Variants in BCAP29 observed in about 807,000 individuals in gnomAD.
BCAP29 encodes the protein B-cell receptor-associated protein 29.
Under a neutral mutation model 31.8 loss-of-function variants are expected in BCAP29, and 34 were observed. The observed-to-expected ratio is 1.07, with a 90% CI of 0.81 to 1.42. The LOEUF is 1.42. Among genes scored for constraint, BCAP29 ranks in the 40% most tolerant of loss-of-function variants. The pLI, the probability that BCAP29 is intolerant of heterozygous loss-of-function variation, is 0.00. For synonymous variants in BCAP29, 104 were observed against 91.3 expected (o/e 1.14, Z -0.79); for missense variants, 314 against 269.2 (o/e 1.17, Z -1.16).
At chr7:107,610,350 C>G (rs986321973) in intron 6 of BCAP29, among the ~76,000 whole-genome samples, 1 of 152,186 alleles carries the variant, frequency 6.6e-6, no homozygotes, top group Non-Finnish European at 1.5e-5. Flanking sequence ...GATGTATCAT[C>G]TAAAGCCTCC....
chr7:107,613,876 A>T, intron 7 of BCAP29: 1 of 624,798 alleles, frequency 1.6e-6, no homozygotes, highest in East Asian at 2.9e-5. Context: ...TTTACCTCCA[A>T]ATGTTGATTT....
intron 7 of BCAP29, among the ~76,000 whole-genome samples, chr7:107,614,544 A>C (rs1371468632): frequency 6.6e-6 from 1 of 152,202 alleles, no homozygotes; most frequent in Non-Finnish European, 1.5e-5. Flanking sequence ...TATTATCATC[A>C]TCATCTGTAT....
Position 107,611,125 on chromosome 7 carries a change from G to A in BCAP29, c.590-2207G>A, listed in dbSNP as rs185826993. Among the ~76,000 whole-genome samples the A allele has an allele frequency of 2.6e-5, 4 of 152,178 alleles. No homozygotes were observed. The East Asian group carries it at 5.8e-4, about 22-fold the overall frequency. ...CTCTCTGGGGCCTCTTTTTATTAGT[G>A]CACGAATCCCATTAATGAGGACCCC... is the stretch of plus-strand genomic sequence containing the variant. On this transcript the variant is annotated intron_variant, in intron 6 of 7. Coordinates refer to ENST00000005259, the MANE Select transcript of BCAP29 (RefSeq NM_018844.4).
intron 7 of BCAP29, among the ~76,000 whole-genome samples, chr7:107,614,236 C>G (rs1813728018): frequency 6.6e-6 from 1 of 152,196 alleles, no homozygotes; most frequent in South Asian, 2.1e-4. Context: ...CATTTCCCTG[C>G]ATCTTAATGG....
intron 1 of BCAP29, 68 bp from the exon 2 acceptor site, chr7:107,580,691 C>T (rs944312080): frequency 2.3e-5 from 25 of 1,080,002 alleles, no homozygotes; most frequent in African/African-American, 2.3e-4. Flanking sequence ...AAAAACGCTG[C>T]GCCTCGGGGC....
At chr7:107,588,311 TGTG>T (rs151115987) in intron 3 of BCAP29, among the ~76,000 whole-genome samples, 3,542 of 152,290 alleles carry the variant, frequency 0.023, 140 homozygotes, top group African/African-American at 0.08. Flanking sequence ...AGTATGGAAA[TGTG>T]GAACTAGATA....
chr7:107,580,643 C>T lies in BCAP29; in HGVS notation c.-14-116C>T, dbSNP rs568233429. The T allele has an allele frequency of 1.5e-5, 10 of 689,080 alleles. No individual in the cohort carries two copies. The Admixed American group carries it at 3.0e-4, about 21-fold the overall frequency. 42.7% of individuals were successfully genotyped at this position (689,080 alleles called of 1,614,324 possible). ...TGACCGGGGTCCGTGCTTGCCTTCC[C>T]AGGTGGGGGAAGGTGGAACACTGTC... On this transcript the variant is annotated intron_variant, in intron 1 of 7. Coordinates refer to ENST00000005259, the MANE Select transcript of BCAP29 (RefSeq NM_018844.4).
intron 6 of BCAP29, chr7:107,603,651 G>A (rs1811577574): frequency 6.9e-6 from 1 of 145,876 alleles, no homozygotes; most frequent in Admixed American, 7.0e-5. Context: ...TGTCACCCAG[G>A]TGGGAGTGCA....
At chr7:107,621,529 T>G (rs908030315), downstream of BCAP29, 15 of 365,598 alleles carry the variant, frequency 4.1e-5, no homozygotes, top group African/African-American at 3.0e-4. Context: ...AATGTTCTCT[T>G]CTATAGCAAA....
chr7:107,582,478 T>G (rs1236240436), intron 2 of BCAP29, among the ~76,000 whole-genome samples: 1 of 152,236 alleles, frequency 6.6e-6, no homozygotes, highest in Non-Finnish European at 1.5e-5. Flanking sequence ...ATTTAGTCTC[T>G]ATTATTTTCT....
chr7:107,593,864 G>A (rs1395846537), intron 3 of BCAP29, 91 bp from the exon 4 acceptor site: 2 of 1,304,886 alleles, frequency 1.5e-6, no homozygotes, highest in African/African-American at 1.5e-5. Flanking sequence ...TTATTTAAAA[G>A]TTTGGTCAGT....
At chr7:107,613,525 A>G (rs1813603342) in intron 7 of BCAP29, 93 bp downstream of exon 7, 4 of 1,310,540 alleles carry the variant, frequency 3.1e-6, no homozygotes, top group African/African-American at 3.0e-5. Flanking sequence ...ACTAATCAAG[A>G]TGATGTACTT....
intron 2 of BCAP29, among the ~76,000 whole-genome samples, chr7:107,582,518 T>C (rs556820910): frequency 9.2e-5 from 14 of 152,348 alleles, no homozygotes; most frequent in East Asian, 1.9e-4. Context: ...AGGCACATGC[T>C]CAGAAATCAG....
chr7:107,581,951 C>T (rs764123612), intron 2 of BCAP29, among the ~76,000 whole-genome samples: 3 of 152,270 alleles, frequency 2.0e-5, no homozygotes, highest in Non-Finnish European at 1.5e-5. Context: ...AAGTAGCCTA[C>T]GGTTACCTAG....
At chr7:107,612,776 G>A (rs550265839) in intron 6 of BCAP29, among the ~76,000 whole-genome samples, 16 of 152,114 alleles carry the variant, frequency 1.1e-4, no homozygotes, top group African/African-American at 3.6e-4. Flanking sequence ...CAAAGTGAAA[G>A]AACATTCTAT....
chr7:107,590,575 T>C (rs973201247), intron 3 of BCAP29, among the ~76,000 whole-genome samples: 7 of 152,110 alleles, frequency 4.6e-5, no homozygotes, highest in Non-Finnish European at 1.0e-4. Context: ...CCCACCACTT[T>C]AGGAGGCTGA....
chr7:107,597,563 A>G (rs1810089095), intron 5 of BCAP29, among the ~76,000 whole-genome samples: 1 of 152,186 alleles, frequency 6.6e-6, no homozygotes, highest in African/African-American at 2.4e-5. Context: ...ATGCTTCACA[A>G]CAAGGTTTTT....
intron 6 of BCAP29, among the ~76,000 whole-genome samples, chr7:107,608,327 T>C (rs1812522328): frequency 6.6e-6 from 1 of 152,240 alleles, no homozygotes; most frequent in South Asian, 2.1e-4. Flanking sequence ...TATGGACTCA[T>C]AGGTATTTAT....
At chr7:107,608,864 C>CTT (rs758073548) in intron 6 of BCAP29, among the ~76,000 whole-genome samples, 32 of 152,316 alleles carry the variant, frequency 2.1e-4, no homozygotes, top group Admixed American at 3.3e-4. Context: ...TTTTCAAATG[C>CTT]TTAAAGCTTA....
Sources: gnomAD v4.1 joint callset for allele counts (sites outside exome capture counted in the v4.1 genomes callset) on GRCh38, gnomAD v4.1.1 for gene constraint, MANE v1.5 for transcripts, NCBI Gene and HGNC (gene_info 2026-07-23, HGNC 2026-07-21) for gene names.